The following ADH1B variants were observed in gnomAD, a reference collection of about 807,000 sequenced individuals.
ADH1B encodes alcohol dehydrogenase 1B (class I), beta polypeptide.
Under a neutral mutation model 34.6 loss-of-function variants are expected in ADH1B, and 29 were observed. The ratio of observed to expected loss-of-function variants is 0.84; its 90% confidence interval spans 0.62 to 1.14. The LOEUF (loss-of-function observed/expected upper bound fraction) is 1.14. Ranked by LOEUF, ADH1B falls within the 50% of genes most tolerant of loss-of-function variation. The pLI is 0.00. For synonymous variants in ADH1B, 170 were observed against 175.5 expected, an observed-to-expected ratio of 0.97 and a Z score of 0.25; for missense variants, 424 against 468.4, an observed-to-expected ratio of 0.91 and a Z score of 0.87.
At chr4:99,310,228 T>C in intron 8 of ADH1B, 1 of 276,092 alleles carries the variant, frequency 3.6e-6, no homozygotes, top group Non-Finnish European at 7.0e-6. Context: ...TATGATAACT[T>C]TCAGTGGTAA....
At chr4:99,321,293 A>ATGTTG (rs767218837) in intron 1 of ADH1B, 21 bp downstream of exon 1, 1 of 1,587,538 alleles carries the variant, frequency 6.3e-7, no homozygotes, top group Non-Finnish European at 8.6e-7. Context: ...TATTACCAAC[A>ATGTTG]GTAATATATT....
Position 99,307,534 on chromosome 4 carries a change from T to A in ADH1B, c.*306A>T, listed in dbSNP as rs995951299. The A allele has an allele frequency of 7.3e-6, 3 of 409,438 alleles. No homozygotes were observed. Among genetic ancestry groups the A allele is most frequent in the African/African-American group, 6.3e-5 (3 of 47,852 alleles). 25.4% of individuals were successfully genotyped at this position (409,438 alleles called of 1,614,324 possible). A position where few individuals can be genotyped will look rare whatever the true frequency, so the allele number is the denominator to read the frequency against. ...CTAAAGATTATGAAGATACCAAAAA[T>A]GCAAGAAGTCACAGGAATATTTTTC... is the stretch of plus-strand genomic sequence containing the variant. On this transcript the variant is annotated 3_prime_UTR_variant, in exon 9 of 9. Coordinates refer to ENST00000305046, the MANE Select transcript of ADH1B (RefSeq NM_000668.6).
intron 6 of ADH1B, among the ~76,000 whole-genome samples, chr4:99,312,433 A>C (rs1733776800): frequency 6.6e-6 from 1 of 152,174 alleles, no homozygotes; most frequent in Non-Finnish European, 1.5e-5. Context: ...TCCTAGGTCA[A>C]GGCTGCCGAG....
chr4:99,313,358 A>C (rs921541880), intron 6 of ADH1B: 9 of 175,576 alleles, frequency 5.1e-5, no homozygotes, highest in Non-Finnish European at 1.1e-4. Context: ...TTAATAAAAC[A>C]GCAGTTGGCC....
chr4:99,311,706 C>T lies in ADH1B; in HGVS notation c.829-50G>A, dbSNP rs759227562. 17 of 1,603,424 alleles carry T rather than the reference C, an allele frequency of 1.1e-5. No homozygotes were observed. The East Asian group carries it at 3.6e-4, about 34-fold the overall frequency. ...TCCTTAACGTGGAGTCGCATAGTTC[C>T]TACTCATAATGCACAATATCATGTA... On this transcript the variant is annotated intron_variant, in intron 6 of 8. Transcript: ENST00000305046.
Position 99,314,057 on chromosome 4 carries a change from C to G in ADH1B, c.592G>C (p.Val198Leu). The G allele has an allele frequency of 1.2e-6, 2 of 1,614,188 alleles. No homozygotes were observed. Among genetic ancestry groups the G allele is most frequent in the Non-Finnish European group, 1.7e-6 (2 of 1,180,042 alleles). The change falls in exon 6 of 9, where the codon GTG becomes CTG. Residue 198 changes from valine (V) to leucine (L), a missense_variant. Physicochemically the swap from Val to Leu is conservative, Grantham distance 32 (BLOSUM62 1). Coordinates refer to ENST00000305046, the MANE Select transcript of ADH1B (RefSeq NM_000668.6). The part of the protein sequence containing the change: ...AKVTPGSTCA[V>L]FGLGGVGLSA... Reference sequence around the variant, plus strand: ...AGGCCGACCCCTCCCAGGCCAAACACAGCACAGGTAGAGCCTGGGGTGACC... The same window carrying G: ...AGGCCGACCCCTCCCAGGCCAAACAGAGCACAGGTAGAGCCTGGGGTGACC...
intron 5 of ADH1B, chr4:99,314,906 G>A (rs1733839606): frequency 6.6e-6 from 1 of 152,186 alleles, no homozygotes; most frequent in East Asian, 1.9e-4. Context: ...GTCTCCCATA[G>A]TCAGTCTTCA....
Position 99,305,414 on chromosome 4 carries a change from C to T in ADH1B, c.*2426G>A, listed in dbSNP as rs2110624898. On this transcript the variant is annotated 3_prime_UTR_variant, in exon 9 of 9. Coordinates refer to ENST00000305046, the MANE Select transcript of ADH1B (RefSeq NM_000668.6). ...CCTGTCTTCAGTCCTGTGTCTGTCA[C>T]TCTCATAATCCTGTTTCAGCACCTA... The T allele has an allele frequency of 1.3e-5, 2 of 149,928 alleles. No individual in the cohort carries two copies. Among genetic ancestry groups the T allele is most frequent in the Admixed American group, 1.3e-4 (2 of 15,070 alleles). 9.3% of individuals were successfully genotyped at this position (149,928 alleles called of 1,614,324 possible). A position where few individuals can be genotyped will look rare whatever the true frequency, so the allele number is the denominator to read the frequency against.
intron 8 of ADH1B, 126 bp downstream of exon 8, chr4:99,310,639 G>T: frequency 7.6e-7 from 1 of 1,310,184 alleles, no homozygotes. Context: ...TCCATGCAAA[G>T]ACTGAACTGG....
At chr4:99,310,944 A>G (rs1733740647) in intron 7 of ADH1B, 41 bp from the exon 8 acceptor site, 1 of 1,594,328 alleles carries the variant, frequency 6.3e-7, no homozygotes, top group African/African-American at 1.4e-5. Context: ...CAGCTAGGGT[A>G]AGTAGGAGAA....
chr4:99,318,642 C>T (rs1479945468), intron 2 of ADH1B, 143 bp downstream of exon 2: 4 of 796,078 alleles, frequency 5.0e-6, no homozygotes, highest in Non-Finnish European at 7.7e-6. Flanking sequence ...TATATTTATA[C>T]CTTTCCTTGA....
At chr4:99,310,146 A>T (rs1286094616) in intron 8 of ADH1B, among the ~76,000 whole-genome samples, 1 of 152,184 alleles carries the variant, frequency 6.6e-6, no homozygotes, top group Non-Finnish European at 1.5e-5. Flanking sequence ...GGTAGGAAAT[A>T]GAATTGGCTT....
Position 99,315,941 on chromosome 4 carries a change from C to T in ADH1B, c.524G>A (p.Cys175Tyr), listed in dbSNP as rs936873162. The T allele has an allele frequency of 4.3e-6, 7 of 1,614,104 alleles. No homozygotes were observed. The highest frequency in any genetic ancestry group is 5.9e-6 in the Non-Finnish European group (7 of 1,180,040). The stretch of plus-strand genomic sequence containing the variant: ...AGACCCATAACCAGTCGAGAATCCA[C>T]AGCCAATGAGGCAGACTTTCTCCAG... Reference protein sequence around the residue: ...SPLEKVCLIGCGFSTGYGSAV... With the variant: ...SPLEKVCLIGYGFSTGYGSAV... The change falls in exon 5 of 9, where the codon TGT becomes TAT. Residue 175 changes from cysteine (C) to tyrosine (Y), a missense_variant. Around this residue, in one of 3 missense-constraint regions of ADH1B, gnomAD observed 291 missense variants for 300.4 expected, o/e 0.97. Coordinates refer to ENST00000305046, the MANE Select transcript of ADH1B (RefSeq NM_000668.6).
At chr4:99,310,413 G>A in intron 8 of ADH1B, 1 of 411,394 alleles carries the variant, frequency 2.4e-6, no homozygotes, top group South Asian at 1.8e-5. Context: ...GTAGAAGGAA[G>A]AGGCTTCAAA....
intron 7 of ADH1B, 79 bp downstream of exon 7, chr4:99,311,442 A>T: frequency 6.8e-7 from 1 of 1,460,506 alleles, no homozygotes; most frequent in Non-Finnish European, 9.3e-7. Context: ...GTAAAAGGGC[A>T]TATATATTGA....
intron 1 of ADH1B, chr4:99,321,053 T>A (rs1734013043): frequency 1.7e-6 from 1 of 599,038 alleles, no homozygotes; most frequent in Non-Finnish European, 2.5e-6. Flanking sequence ...TAAACTATCA[T>A]TTTACTGTAA....
chr4:99,309,572 C>A (rs1157079215), intron 8 of ADH1B, among the ~76,000 whole-genome samples: 1 of 152,036 alleles, frequency 6.6e-6, no homozygotes, highest in East Asian at 1.9e-4. Flanking sequence ...TGATGATGAT[C>A]CCAATGATGA....
Position 99,305,010 on chromosome 4 carries a change from C to G in ADH1B, c.*2830G>C, listed in dbSNP as rs1193258081. 1 of 151,702 alleles carries G rather than the reference C, an allele frequency of 6.6e-6. No homozygotes were observed. Among genetic ancestry groups the G allele is most frequent in the African/African-American group, 2.4e-5 (1 of 41,294 alleles). 9.4% of individuals were successfully genotyped at this position (151,702 alleles called of 1,614,324 possible). A position where few individuals can be genotyped will look rare whatever the true frequency, so the allele number is the denominator to read the frequency against. On this transcript the variant is annotated 3_prime_UTR_variant, in exon 9 of 9. Transcript: ENST00000305046. Reference sequence around the variant, plus strand: ...GCTTTATTTTTTTTTTTGATCACACCAAGGCTCAGTGCCATTTAATATGCT... The same window carrying G: ...GCTTTATTTTTTTTTTTGATCACACGAAGGCTCAGTGCCATTTAATATGCT...
chr4:99,306,001 C>T lies in ADH1B; in HGVS notation c.*1839G>A, dbSNP rs1185470995. ...CTTTCTTGACCCTGAGTAACTCCTT[C>T]AGCATTTTCTTTTCTTTTCTTTTGA... On this transcript the variant is annotated 3_prime_UTR_variant, in exon 9 of 9. Coordinates refer to ENST00000305046, the MANE Select transcript of ADH1B (RefSeq NM_000668.6). The T allele has an allele frequency of 6.6e-6, 1 of 152,180 alleles. No individual in the cohort carries two copies. Among genetic ancestry groups the T allele is most frequent in the Non-Finnish European group, 1.5e-5 (1 of 68,094 alleles). The allele number at this position is 152,180 out of a possible 1,614,324, so 9.4% of individuals were successfully genotyped here.
Sources: allele counts gnomAD v4.1 joint callset (sites outside exome capture counted in the v4.1 genomes callset), GRCh38; gene constraint gnomAD v4.1.1; regional missense constraint gnomAD v4.1.1; transcripts MANE v1.5; gene names NCBI Gene and HGNC (gene_info 2026-07-23, HGNC 2026-07-21).